DNM3: variants seen among roughly 807,000 people sequenced by gnomAD.
DNM3 encodes the protein dynamin-3.
In DNM3, 47 loss-of-function variants were observed where a neutral mutation model predicts 101.6. The ratio of observed to expected loss-of-function variants is 0.46; its 90% confidence interval spans 0.37 to 0.59. The LOEUF is 0.59. Ranked by LOEUF, DNM3 falls within the 20% of genes least tolerant of loss-of-function variation. The pLI, the probability that DNM3 is intolerant of heterozygous loss-of-function variation, is 0.00. For synonymous variants in DNM3, 385 were observed against 387.9 expected, an observed-to-expected ratio of 0.99 and a Z score of 0.09; for missense variants, 849 against 1,085.7, an observed-to-expected ratio of 0.78 and a Z score of 3.06.
intron 14 of DNM3, among the ~76,000 whole-genome samples, chr1:172,193,370 C>T (rs1403009372): frequency 6.6e-6 from 1 of 152,116 alleles, no homozygotes; most frequent in Admixed American, 6.6e-5. Flanking sequence ...TGATGTTGGC[C>T]TCATAAAATG....
At chr1:172,397,400 G>A (rs558580278) in intron 20 of DNM3, 19 of 152,636 alleles carry the variant, frequency 1.2e-4, no homozygotes, top group African/African-American at 4.6e-4. Flanking sequence ...TGATTTGTAT[G>A]AAAGCAGACT....
intron 1 of DNM3, among the ~76,000 whole-genome samples, chr1:171,903,304 G>C (rs1476639960): frequency 6.6e-6 from 1 of 152,142 alleles, no homozygotes; most frequent in African/African-American, 2.4e-5. Context: ...TGCTGTCATA[G>C]ACTAGACAGT....
At chr1:172,234,344 G>A (rs10911350) in intron 14 of DNM3, among the ~76,000 whole-genome samples, 1 of 151,866 alleles carries the variant, frequency 6.6e-6, no homozygotes. Context: ...TGTGAAGGAC[G>A]TCTTCAAGGA....
intron 1 of DNM3, among the ~76,000 whole-genome samples, chr1:171,857,229 G>A (rs2033702355): frequency 1.3e-5 from 2 of 152,158 alleles, no homozygotes; most frequent in Non-Finnish European, 2.9e-5. Context: ...TTAACTGGAG[G>A]ATACATAGAT....
chr1:171,876,772 G>A (rs987612263), intron 1 of DNM3, among the ~76,000 whole-genome samples: 2 of 152,204 alleles, frequency 1.3e-5, no homozygotes, highest in Non-Finnish European at 2.9e-5. Context: ...GGGGATGAAA[G>A]GTTGTTATTC....
chr1:172,343,675 C>T (rs1443188759), intron 17 of DNM3, among the ~76,000 whole-genome samples: 1 of 152,070 alleles, frequency 6.6e-6, no homozygotes, highest in Non-Finnish European at 1.5e-5. Flanking sequence ...AGATTTTTTC[C>T]CATATTTCTT....
intron 10 of DNM3, among the ~76,000 whole-genome samples, chr1:172,067,233 C>A (rs1204665777): frequency 6.6e-6 from 1 of 152,116 alleles, no homozygotes. Flanking sequence ...AAATCATATT[C>A]TTTGCCTATT....
At chr1:171,967,216 ATACT>A (rs1251678037) in intron 2 of DNM3, among the ~76,000 whole-genome samples, 2 of 152,170 alleles carry the variant, frequency 1.3e-5, no homozygotes, top group African/African-American at 4.8e-5. Flanking sequence ...TGGCAGTCTC[ATACT>A]TACAGATTTC....
chr1:171,860,528 TTTAC>T (rs2034066592), intron 1 of DNM3, among the ~76,000 whole-genome samples: 1 of 152,210 alleles, frequency 6.6e-6, no homozygotes, highest in South Asian at 2.1e-4. Context: ...CTTGCTTCTT[TTTAC>T]TTTTTGTAAT....
intron 10 of DNM3, among the ~76,000 whole-genome samples, chr1:172,058,529 G>T (rs1210178817): frequency 6.6e-6 from 1 of 151,990 alleles, no homozygotes; most frequent in East Asian, 1.9e-4. Flanking sequence ...TTAGAACTCA[G>T]GATTAAGAAT....
At chr1:171,886,650 A>T (rs1251662141) in intron 1 of DNM3, among the ~76,000 whole-genome samples, 1 of 152,182 alleles carries the variant, frequency 6.6e-6, no homozygotes, top group Non-Finnish European at 1.5e-5. Flanking sequence ...TAGAAGAGTG[A>T]GAATCAAAGC....
At chr1:172,288,911 G>C (rs2063798733) in intron 15 of DNM3, among the ~76,000 whole-genome samples, 1 of 152,120 alleles carries the variant, frequency 6.6e-6, no homozygotes, top group South Asian at 2.1e-4. Context: ...ATTTCTCATA[G>C]AAAGTTATCT....
chr1:172,143,812 G>A (rs920631213), intron 14 of DNM3, among the ~76,000 whole-genome samples: 6 of 152,046 alleles, frequency 3.9e-5, no homozygotes, highest in Non-Finnish European at 7.4e-5. Flanking sequence ...GTTGTGGGTC[G>A]GTGCTCTTCT....
intron 14 of DNM3, among the ~76,000 whole-genome samples, chr1:172,196,565 AT>A (rs975370747): frequency 1.2e-4 from 18 of 152,128 alleles, no homozygotes; most frequent in Admixed American, 1.1e-3. Context: ...CCTTGCCAGC[AT>A]CTATTATTTT....
intron 13 of DNM3, among the ~76,000 whole-genome samples, chr1:172,115,134 C>CA (rs910286166): frequency 4.6e-5 from 7 of 151,986 alleles, no homozygotes; most frequent in African/African-American, 1.7e-4. Flanking sequence ...ACCACAGTAA[C>CA]AAAAAAAGTG....
At chr1:171,894,113 C>A (rs574552043) in intron 1 of DNM3, among the ~76,000 whole-genome samples, 3 of 152,174 alleles carry the variant, frequency 2.0e-5, no homozygotes, top group African/African-American at 7.2e-5. Flanking sequence ...TGAGCCACAG[C>A]GCCTGGCCCA....
intron 14 of DNM3, among the ~76,000 whole-genome samples, chr1:172,247,171 C>T (rs546032423): frequency 1.9e-4 from 29 of 152,138 alleles, no homozygotes; most frequent in African/African-American, 5.8e-4. Context: ...TGGTACTTCG[C>T]GTGTGGTCTA....
chr1:172,050,055 G>C, intron 10 of DNM3, among the ~76,000 whole-genome samples: 1 of 152,060 alleles, frequency 6.6e-6, no homozygotes, highest in East Asian at 1.9e-4. Flanking sequence ...ACAAGAAAGA[G>C]CCACAGGAGT....
chr1:172,256,974 T>C (rs1455115069), intron 15 of DNM3, among the ~76,000 whole-genome samples: 1 of 151,886 alleles, frequency 6.6e-6, no homozygotes, highest in Non-Finnish European at 1.5e-5. Context: ...TATTGTTTTG[T>C]ATCATTGATT....
Sources: allele counts gnomAD v4.1 joint callset (sites outside exome capture counted in the v4.1 genomes callset), GRCh38; gene constraint gnomAD v4.1.1; transcripts MANE v1.5; gene names NCBI Gene and HGNC (gene_info 2026-07-23, HGNC 2026-07-21).